The following SPG11 variants were observed in gnomAD, a reference collection of about 807,000 sequenced individuals.
The protein encoded by SPG11 is SPG11 vesicle trafficking associated, spatacsin.
SPG11 carries 222 observed loss-of-function variants against 274.0 expected under a neutral mutation model. The observed-to-expected ratio is 0.81, with a 90% CI of 0.73 to 0.91. The LOEUF is 0.91. Ranked by LOEUF, SPG11 falls within the 40% of genes least tolerant of loss-of-function variation. The probability of loss-of-function intolerance (pLI) is 0.00; values close to 1 mark genes in which losing one functional copy is unlikely to be tolerated. For synonymous variants in SPG11, 1,144 were observed against 1,039.7 expected, an observed-to-expected ratio of 1.10 and a Z score of -1.93; for missense variants, 3,114 against 2,872.7, an observed-to-expected ratio of 1.08 and a Z score of -1.92.
chr15:44,564,164 TG>T (rs1482629666), intron 39 of SPG11, among the ~76,000 whole-genome samples: 12 of 152,082 alleles, frequency 7.9e-5, no homozygotes, highest in Admixed American at 5.2e-4. Context: ...AGCTAATTTT[TG>T]TATTTTTAGT....
At chr15:44,587,048 C>G (rs1470815838) in intron 28 of SPG11, among the ~76,000 whole-genome samples, 1 of 152,186 alleles carries the variant, frequency 6.6e-6, no homozygotes, top group East Asian at 1.9e-4. Flanking sequence ...ACTAAGAATT[C>G]TTGGCCAGGT....
At chr15:44,606,502 G>T (rs923649341) in intron 19 of SPG11, among the ~76,000 whole-genome samples, 1 of 152,114 alleles carries the variant, frequency 6.6e-6, no homozygotes, top group African/African-American at 2.4e-5. Context: ...GAAAGGAAAA[G>T]AGAAGAAAAA....
At chr15:44,576,086 G>T (rs1299955846) in intron 30 of SPG11, among the ~76,000 whole-genome samples, 1 of 133,116 alleles carries the variant, frequency 7.5e-6, no homozygotes, top group Non-Finnish European at 1.6e-5. Context: ...AGGTTGCGGT[G>T]AGCCGAGATT....
Position 44,620,410 on chromosome 15 carries a change from G to GA in SPG11, c.2621-8dup, listed in dbSNP as rs577083743. ...GGGGAATATGATTTGTATTCTACAT[G>GA]AAAAAAAACACATTTTAAAATATAA... On this transcript the variant is annotated splice_region_variant and splice_polypyrimidine_tract_variant and intron_variant, in intron 14 of 39. Transcript: ENST00000261866. 7.2e-4 allele frequency: 1,142 copies of GA among 1,582,566 alleles called. 7 individuals carry two copies. In the African/African-American group the frequency reaches 0.012, roughly 17 times the overall value.
chr15:44,626,552 CTTA>C, intron 10 of SPG11, 45 bp from the exon 11 acceptor site: 1 of 1,581,232 alleles, frequency 6.3e-7, no homozygotes, highest in Non-Finnish European at 8.7e-7. Flanking sequence ...TTTTCATTTC[CTTA>C]TTATGATTAT....
chr15:44,598,702 A>G lies in SPG11; in HGVS notation c.3821T>C (p.Val1274Ala). ...CTTGTAGCTCAAAATTATATTGGCC[A>G]CTTTCATATCAACTCTGAGCTTGAG... ...DSLKLRVDMK[V>A]ANIILSYKCR... Residue 1274 changes from valine to alanine, a missense_variant, in exon 22 of 40, where the codon GTG becomes GCG. Val to Ala is a moderately conservative substitution (Grantham distance 64). Transcript: ENST00000261866. The G allele has an allele frequency of 1.9e-6, 3 of 1,614,210 alleles. No individual in the cohort carries two copies. Among genetic ancestry groups the G allele is most frequent in the Non-Finnish European group, 2.5e-6 (3 of 1,180,030 alleles).
chr15:44,603,716 T>G (rs2083251516), intron 20 of SPG11, among the ~76,000 whole-genome samples: 1 of 152,208 alleles, frequency 6.6e-6, no homozygotes, highest in African/African-American at 2.4e-5. Context: ...GATGCTCAAG[T>G]CCCTGTAAAA....
intron 7 of SPG11, among the ~76,000 whole-genome samples, chr15:44,637,163 G>A (rs1269832415): frequency 2.6e-5 from 4 of 151,980 alleles, no homozygotes; most frequent in South Asian, 4.1e-4. Flanking sequence ...ATTAGACACA[G>A]GTGAAGAAAG....
chr15:44,661,070 TG>T (rs1475918202), intron 1 of SPG11, among the ~76,000 whole-genome samples: 2 of 152,224 alleles, frequency 1.3e-5, no homozygotes, highest in African/African-American at 4.8e-5. Flanking sequence ...TTCCAAATCT[TG>T]AAAAACTCTG....
At chr15:44,659,481 G>A (rs1461187701) in intron 2 of SPG11, among the ~76,000 whole-genome samples, 178 bp from the exon 3 acceptor site, 2 of 152,156 alleles carry the variant, frequency 1.3e-5, no homozygotes, top group Non-Finnish European at 2.9e-5. Flanking sequence ...GTAGGTAAGA[G>A]GATGACTAAA....
rs191163452 is a variant in SPG11 at position 44,636,477 on chromosome 15, T to C, written c.1603-2840A>G. 7.8e-4 allele frequency among the ~76,000 whole-genome samples: 117 copies of C among 150,808 alleles called. 2 individuals are homozygous for C. In the East Asian group the frequency reaches 0.022, roughly 29 times the overall value. On this transcript the variant is annotated intron_variant, in intron 7 of 39. Coordinates refer to ENST00000261866, the MANE Select transcript of SPG11 (RefSeq NM_025137.4). ...AAATGTGGTTTCATCCTGGCTACCA[T>C]GGTGAAACCCCGTCTCTACTAAAAA...
chr15:44,609,729 G>C (rs116201431), intron 18 of SPG11, among the ~76,000 whole-genome samples: 1 of 149,578 alleles, frequency 6.7e-6, no homozygotes, highest in African/African-American at 2.5e-5. Context: ...CCCTGCCCCC[G>C]CCCAGCTTTT....
chr15:44,569,351 A>G (rs1157620442), intron 35 of SPG11, 47 bp downstream of exon 35: 1 of 1,340,090 alleles, frequency 7.5e-7, no homozygotes, highest in Admixed American at 1.9e-5. Flanking sequence ...AGGCTCCTGA[A>G]TTATCAGCAG....
chr15:44,614,626 C>T (rs2083545529), intron 16 of SPG11, among the ~76,000 whole-genome samples: 1 of 152,200 alleles, frequency 6.6e-6, no homozygotes, highest in Admixed American at 6.5e-5. Flanking sequence ...TAAATCAGCT[C>T]TTCCACTTAT....
At chr15:44,596,967 G>A in intron 23 of SPG11, 24 bp from the exon 24 acceptor site, 1 of 1,612,910 alleles carries the variant, frequency 6.2e-7, no homozygotes, top group Non-Finnish European at 8.5e-7. Context: ...TAGAGGTGGG[G>A]GTGGTCAAGA....
intron 6 of SPG11, among the ~76,000 whole-genome samples, chr15:44,651,121 C>T (rs2084762159): frequency 6.6e-6 from 1 of 152,070 alleles, no homozygotes; most frequent in South Asian, 2.1e-4. Context: ...TGTTTATAAT[C>T]TTTTTTAAAA....
intron 3 of SPG11, 42 bp from the exon 4 acceptor site, chr15:44,657,338 T>A (rs771861301): frequency 6.4e-7 from 1 of 1,573,484 alleles, no homozygotes; most frequent in Non-Finnish European, 8.7e-7. Flanking sequence ...TTTGTAAGTA[T>A]GCCTAACTAT....
intron 10 of SPG11, 131 bp from the exon 11 acceptor site, chr15:44,626,638 G>T: frequency 1.0e-6 from 1 of 957,330 alleles, no homozygotes; most frequent in Non-Finnish European, 1.6e-6. Context: ...TAGATTTGGA[G>T]TTAGGTTCAA....
chr15:44,581,791 G>C (rs2082663663), intron 30 of SPG11, among the ~76,000 whole-genome samples: 1 of 152,076 alleles, frequency 6.6e-6, no homozygotes, highest in Non-Finnish European at 1.5e-5. Context: ...GACCTAAAAT[G>C]GTGGTAAGAT....
Sources: gnomAD v4.1 joint callset for allele counts (sites outside exome capture counted in the v4.1 genomes callset) on GRCh38, gnomAD v4.1.1 for gene constraint, MANE v1.5 for transcripts, NCBI Gene and HGNC (gene_info 2026-07-23, HGNC 2026-07-21) for gene names.